The following COL23A1 variants were observed in gnomAD, a reference collection of about 807,000 sequenced individuals.
COL23A1 encodes the protein collagen alpha-1(XXIII) chain.
In COL23A1, 97 loss-of-function variants were observed where a neutral mutation model predicts 99.3. The observed-to-expected ratio is 0.98, with a 90% CI of 0.83 to 1.16. The LOEUF is 1.16. COL23A1 is among the 50% of genes most tolerant of loss of function. The probability of loss-of-function intolerance (pLI) is 0.00; values close to 1 mark genes in which losing one functional copy is unlikely to be tolerated. For synonymous variants in COL23A1, 320 were observed against 308.2 expected (o/e 1.04, Z -0.40); for missense variants, 762 against 757.4 (o/e 1.01, Z -0.07).
At chr5:178,502,859 C>T (rs191668118) in intron 2 of COL23A1, among the ~76,000 whole-genome samples, 142 of 152,276 alleles carry the variant, frequency 9.3e-4, no homozygotes, top group African/African-American at 3.2e-3. Flanking sequence ...ACCCGAAGTC[C>T]ACCATCACGC....
intron 2 of COL23A1, among the ~76,000 whole-genome samples, chr5:178,509,127 C>T (rs1759048105): frequency 6.6e-6 from 1 of 152,164 alleles, no homozygotes; most frequent in East Asian, 1.9e-4. Context: ...TTTACAGTAG[C>T]CCCTGAGGGC....
chr5:178,367,961 AG>A (rs1470184106), intron 2 of COL23A1, among the ~76,000 whole-genome samples: 1 of 152,214 alleles, frequency 6.6e-6, no homozygotes, highest in African/African-American at 2.4e-5. Flanking sequence ...GGAGGCACCC[AG>A]GAGAGCTGCT....
At chr5:178,543,724 C>A (rs749032106) in intron 2 of COL23A1, among the ~76,000 whole-genome samples, 4 of 152,150 alleles carry the variant, frequency 2.6e-5, no homozygotes, top group African/African-American at 9.7e-5. Flanking sequence ...CCTGTCTTAG[C>A]CTGTTCATGC....
At chr5:178,538,174 T>C (rs1040616710) in intron 2 of COL23A1, among the ~76,000 whole-genome samples, 1 of 152,202 alleles carries the variant, frequency 6.6e-6, no homozygotes, top group Non-Finnish European at 1.5e-5. Flanking sequence ...TCCCTCCTCC[T>C]CACACAAGAG....
chr5:178,472,297 G>A (rs1756795973), intron 2 of COL23A1, among the ~76,000 whole-genome samples: 1 of 152,152 alleles, frequency 6.6e-6, no homozygotes, highest in Admixed American at 6.5e-5. Flanking sequence ...GACCCAATGG[G>A]GAGCCACAGT....
intron 1 of COL23A1, among the ~76,000 whole-genome samples, chr5:178,575,942 G>A (rs1002181404): frequency 5.9e-5 from 9 of 152,168 alleles, no homozygotes; most frequent in Admixed American, 3.9e-4. Flanking sequence ...TCTTCCAAGC[G>A]AGCAAGTCAA....
At chr5:178,352,807 C>T (rs989328845) in intron 2 of COL23A1, among the ~76,000 whole-genome samples, 2 of 152,196 alleles carry the variant, frequency 1.3e-5, no homozygotes, top group Non-Finnish European at 2.9e-5. Context: ...GGGGAGTCTC[C>T]GTCTCTCACA....
rs1254730298 is a variant in COL23A1, at chr5:178,544,813, C to G, written c.361+15869G>C. On this transcript the variant is annotated intron_variant, in intron 2 of 28. Transcript: ENST00000390654. This position sits in a 1 kb window ranked among gnomAD's most constrained non-coding sequence, Gnocchi z 4.4. ...TGGTGGCTCATAGCTGTAACCCCAGCACTTTGGGAGGCCAAAGCGGGTGGA... is the reference window on the plus strand; with the variant it reads ...TGGTGGCTCATAGCTGTAACCCCAGGACTTTGGGAGGCCAAAGCGGGTGGA... 1.3e-5 allele frequency among the ~76,000 whole-genome samples: 2 copies of G among 152,198 alleles called. No homozygotes were observed. Among genetic ancestry groups the G allele is most frequent in the Non-Finnish European group, 2.9e-5 (2 of 68,034 alleles).
chr5:178,451,575 T>C (rs1767487998), intron 2 of COL23A1, among the ~76,000 whole-genome samples: 1 of 147,870 alleles, frequency 6.8e-6, no homozygotes, highest in African/African-American at 2.5e-5. Context: ...GAAAATTGCT[T>C]GAACCCGGGA....
intron 2 of COL23A1, among the ~76,000 whole-genome samples, chr5:178,549,391 T>TA (rs1271263433): frequency 2.0e-5 from 3 of 151,958 alleles, no homozygotes; most frequent in African/African-American, 7.3e-5. Flanking sequence ...ATTGCCATGG[T>TA]ACACATATTT....
chr5:178,527,197 TG>T (rs574353755), intron 2 of COL23A1, among the ~76,000 whole-genome samples: 298 of 151,670 alleles, frequency 2.0e-3, no homozygotes, highest in African/African-American at 6.9e-3. Context: ...GTGAGGAGAG[TG>T]GGGGACAGCA....
chr5:178,473,007 G>A (rs550340145), intron 2 of COL23A1, among the ~76,000 whole-genome samples: 130 of 136,608 alleles, frequency 9.5e-4, no homozygotes, highest in Non-Finnish European at 1.8e-3. Context: ...CCTGTGATCC[G>A]AACTACTCAG....
In COL23A1 at chr5:178,428,978, G is replaced by A. The variant is rs1414258223; in HGVS notation, c.362-122059C>T. ...TCCTGAGACCCTACCACACCCCAGT[G>A]CTGCCCAGGCCCAGCACCCGGGGTG... On this transcript the variant is annotated intron_variant, in intron 2 of 28. Coordinates refer to ENST00000390654, the MANE Select transcript of COL23A1 (RefSeq NM_173465.4). This position sits in a 1 kb window ranked among gnomAD's most constrained non-coding sequence, Gnocchi z 5.0. 1.3e-5 allele frequency among the ~76,000 whole-genome samples: 2 copies of A among 152,046 alleles called. No homozygotes were observed. The highest frequency in any genetic ancestry group is 3.9e-4 in the East Asian group (2 of 5,158).
intron 2 of COL23A1, among the ~76,000 whole-genome samples, chr5:178,499,922 TA>T (rs1758429703): frequency 6.6e-6 from 1 of 152,222 alleles, no homozygotes; most frequent in African/African-American, 2.4e-5. Flanking sequence ...AATCTTGATA[TA>T]ATTACGCTGA....
chr5:178,252,341 G>T (rs1411654115), intron 17 of COL23A1, among the ~76,000 whole-genome samples: 1 of 152,154 alleles, frequency 6.6e-6, no homozygotes, highest in African/African-American at 2.4e-5. Context: ...TATGAATAAG[G>T]CTTCCCAGGG....
intron 2 of COL23A1, among the ~76,000 whole-genome samples, chr5:178,381,602 G>A (rs551386295): frequency 2.6e-5 from 4 of 152,358 alleles, no homozygotes; most frequent in South Asian, 4.1e-4. Context: ...CTGTGTCTCC[G>A]GGCCCAGGCC....
At chr5:178,249,032 G>T in intron 19 of COL23A1, 85 bp downstream of exon 19, 1 of 1,391,182 alleles carries the variant, frequency 7.2e-7, no homozygotes, top group East Asian at 2.3e-5. Flanking sequence ...GTCACGCCCT[G>T]GCCTCCCCAC....
At position 178,309,374 on chromosome 5, in the gene COL23A1, C is replaced by T. The variant is rs1657217488; in HGVS notation, c.362-2455G>A. Among the ~76,000 whole-genome samples the T allele has an allele frequency of 6.6e-6, 1 of 152,084 alleles. No individual in the cohort carries two copies. The highest frequency in any genetic ancestry group is 2.1e-4 in the South Asian group (1 of 4,826). The stretch of plus-strand genomic sequence containing the variant: ...GGAGCTGGGCAGGACTGGGGTGTTG[C>T]TGAGCATACAGGGCCTGTGAGCCGC... On this transcript the variant is annotated intron_variant, in intron 2 of 28. Coordinates refer to ENST00000390654, the MANE Select transcript of COL23A1 (RefSeq NM_173465.4). The surrounding 1 kb of genome is among the most constrained non-coding windows in gnomAD (Gnocchi z 4.7).
chr5:178,385,869 G>A (rs1299731977), intron 2 of COL23A1, among the ~76,000 whole-genome samples: 1 of 152,146 alleles, frequency 6.6e-6, no homozygotes, highest in Non-Finnish European at 1.5e-5. Context: ...TTCAAAAGAT[G>A]TATTCAACCT....
Sources: allele counts gnomAD v4.1 joint callset (sites outside exome capture counted in the v4.1 genomes callset), GRCh38; gene constraint gnomAD v4.1.1; non-coding constraint Gnocchi (gnomAD v3.1); transcripts MANE v1.5; gene names NCBI Gene and HGNC (gene_info 2026-07-23, HGNC 2026-07-21).